TMEM266: variants seen among roughly 807,000 people sequenced by gnomAD.
TMEM266 encodes the protein Hv1 related protein 1.
In TMEM266, 33 loss-of-function variants were observed where a neutral mutation model predicts 50.5. The observed-to-expected ratio is 0.65, with a 90% CI of 0.50 to 0.87. TMEM266 has a LOEUF of 0.87. TMEM266 is among the 40% of genes least tolerant of loss of function. The probability of loss-of-function intolerance (pLI) is 0.00; values close to 1 mark genes in which losing one functional copy is unlikely to be tolerated. For synonymous variants in TMEM266, 310 were observed against 292.3 expected (o/e 1.06, Z -0.62); for missense variants, 655 against 695.1 (o/e 0.94, Z 0.65).
chr15:76,157,794 C>T (rs1034861821), intron 4 of TMEM266, among the ~76,000 whole-genome samples: 1 of 152,092 alleles, frequency 6.6e-6, no homozygotes, highest in African/African-American at 2.4e-5. Context: ...TGAGACCAGC[C>T]TGGGGAACAT....
At chr15:76,194,380 G>A (rs1472412692) in intron 9 of TMEM266, among the ~76,000 whole-genome samples, 1 of 152,142 alleles carries the variant, frequency 6.6e-6, no homozygotes, top group African/African-American at 2.4e-5. Context: ...GCCCTCTGCA[G>A]TCTCCCCTCC....
At chr15:76,070,476 G>T (rs2036522859) in intron 1 of TMEM266, among the ~76,000 whole-genome samples, 1 of 152,206 alleles carries the variant, frequency 6.6e-6, no homozygotes, top group Admixed American at 6.5e-5. Context: ...TGAAATGGGG[G>T]CTGTGAGCCA....
At chr15:76,113,725 C>T (rs923371489) in intron 1 of TMEM266, 2 of 151,970 alleles carry the variant, frequency 1.3e-5, no homozygotes, top group Admixed American at 6.6e-5. Flanking sequence ...CTAGCTAACA[C>T]GATGAAGCCC....
intron 5 of TMEM266, among the ~76,000 whole-genome samples, chr15:76,164,998 A>G (rs1344584073): frequency 3.3e-5 from 5 of 152,198 alleles, no homozygotes; most frequent in South Asian, 2.1e-4. Flanking sequence ...TACATCTCCT[A>G]AGGTTTCCAA....
At chr15:76,067,407 C>T (rs2036444449) in intron 1 of TMEM266, among the ~76,000 whole-genome samples, 1 of 151,634 alleles carries the variant, frequency 6.6e-6, no homozygotes, top group African/African-American at 2.4e-5. Flanking sequence ...CTTTGGGAGG[C>T]CAAGGAGGGC....
At chr15:76,145,690 T>C (rs2037745499) in intron 3 of TMEM266, among the ~76,000 whole-genome samples, 2 of 152,282 alleles carry the variant, frequency 1.3e-5, no homozygotes, top group Admixed American at 6.5e-5. Context: ...TCTCCTTTCA[T>C]AGCCTTCAGT....
rs189049338 is a variant in TMEM266 at position 76,149,839 on chromosome 15, T to A, written c.228-6765T>A. Among the ~76,000 whole-genome samples the A allele has an allele frequency of 2.8e-3, 421 of 152,364 alleles. 4 individuals are homozygous for A. The highest frequency in any genetic ancestry group is 2.4e-3 in the Non-Finnish European group (163 of 68,030). On this transcript the variant is annotated intron_variant, in intron 3 of 10. Transcript: ENST00000388942. ...TGGTGCACAATATGTATCTTAAGTG[T>A]TTGTTTAATCAATAAAACTAAAGTC... is the stretch of plus-strand genomic sequence containing the variant.
intron 5 of TMEM266, among the ~76,000 whole-genome samples, chr15:76,163,417 G>A (rs2038046859): frequency 6.6e-6 from 1 of 152,140 alleles, no homozygotes. Context: ...GCTGTGCAGG[G>A]GTCCCTGCAC....
Position 76,168,145 on chromosome 15 carries a change from AC to A in TMEM266, c.457-1667del, listed in dbSNP as rs1312719768. Among the ~76,000 whole-genome samples, 1 of 152,096 alleles carries A rather than the reference AC, an allele frequency of 6.6e-6. No homozygotes were observed. Among genetic ancestry groups the A allele is most frequent in the Non-Finnish European group, 1.5e-5 (1 of 68,012 alleles). Reference sequence around the variant, plus strand: ...GCTCTGATCTCAAGACATTGTGGCCACCCCACCCAGATCTCTCCCCACCCCT... The same window carrying A: ...GCTCTGATCTCAAGACATTGTGGCCACCCACCCAGATCTCTCCCCACCCCT... On this transcript the variant is annotated intron_variant, in intron 5 of 10. Transcript: ENST00000388942. This position sits in a 1 kb window ranked among gnomAD's most constrained non-coding sequence, Gnocchi z 4.4.
At chr15:76,063,820 A>T (rs2036356796) in intron 1 of TMEM266, among the ~76,000 whole-genome samples, 1 of 152,188 alleles carries the variant, frequency 6.6e-6, no homozygotes, top group Non-Finnish European at 1.5e-5. Context: ...GTTAGTCCTT[A>T]CTGTTCTCTG....
chr15:76,200,412 G>C (rs934907500), intron 9 of TMEM266, among the ~76,000 whole-genome samples: 2 of 152,220 alleles, frequency 1.3e-5, no homozygotes, highest in African/African-American at 2.4e-5. Flanking sequence ...CTGAGGCCCA[G>C]AGAGGGGATG....
At chr15:76,097,207 GTTGATGTTCTTTGCAATTTGGTATGTTT>G (rs1260324623) in intron 1 of TMEM266, among the ~76,000 whole-genome samples, 1 of 151,940 alleles carries the variant, frequency 6.6e-6, no homozygotes. Flanking sequence ...TCTTCATAGT[GTTGATGTTCTTTGCAATTTGGTATGTTT>G]TTGCTGTGGC....
rs760155139 is a variant in TMEM266 at position 76,175,594 on chromosome 15, G to A, written c.688G>A (p.Val230Ile). The change falls in exon 8 of 11, where the codon GTT becomes ATT. Residue 230 changes from valine (V) to isoleucine (I), a missense_variant. Around this residue, in one of 3 missense-constraint regions of TMEM266, gnomAD observed 101 missense variants for 182.6 expected, o/e 0.55. Coordinates refer to ENST00000388942, the MANE Select transcript of TMEM266 (RefSeq NM_152335.3). Reference sequence around the variant, plus strand: ...GCCAGTGAAGCTGGAGATGGAGATGGTTATCCAGCAGTACGAGAAGGCCAA... The same window carrying A: ...GCCAGTGAAGCTGGAGATGGAGATGATTATCCAGCAGTACGAGAAGGCCAA... The A allele has an allele frequency of 5.0e-6, 8 of 1,614,138 alleles. No homozygotes were observed. In the South Asian group the frequency reaches 8.8e-5, roughly 18 times the overall value.
chr15:76,161,565 A>G lies in TMEM266; in HGVS notation c.456+1397A>G, dbSNP rs559807221. On this transcript the variant is annotated intron_variant, in intron 5 of 10. Transcript: ENST00000388942. This position sits in a 1 kb window ranked among gnomAD's most constrained non-coding sequence, Gnocchi z 4.1. ...TGTGGGGTGTGGTGGGCCGGGCAGC[A>G]GGCATTCCAAGCATGGAACATTCCC... Among the ~76,000 whole-genome samples the G allele has an allele frequency of 2.0e-5, 3 of 152,276 alleles. No homozygotes were observed. Among genetic ancestry groups the G allele is most frequent in the African/African-American group, 4.8e-5 (2 of 41,540 alleles).
chr15:76,176,281 G>A (rs1454594016), intron 8 of TMEM266: 1 of 153,640 alleles, frequency 6.5e-6, no homozygotes. Context: ...CTCCGGCCAA[G>A]TTGGGCCACC....
chr15:76,168,152 C>T lies in TMEM266; in HGVS notation c.457-1664C>T, dbSNP rs1658978999. Among the ~76,000 whole-genome samples, 1 of 152,206 alleles carries T rather than the reference C, an allele frequency of 6.6e-6. No homozygotes were observed. The highest frequency in any genetic ancestry group is 6.5e-5 in the Admixed American group (1 of 15,286). On this transcript the variant is annotated intron_variant, in intron 5 of 10. Transcript: ENST00000388942. The surrounding 1 kb of genome is among the most constrained non-coding windows in gnomAD (Gnocchi z 4.4). The stretch of plus-strand genomic sequence containing the variant: ...TCTCAAGACATTGTGGCCACCCCAC[C>T]CAGATCTCTCCCCACCCCTGCAAGC...
intron 1 of TMEM266, among the ~76,000 whole-genome samples, chr15:76,079,472 CT>C (rs946589324): frequency 2.7e-4 from 39 of 145,888 alleles, no homozygotes; most frequent in African/African-American, 8.2e-4. Flanking sequence ...CTAGTTACCT[CT>C]GCAAAGATAC....
In TMEM266 at chr15:76,137,861, C is replaced by T. The variant is rs2037615603; in HGVS notation, c.193C>T (p.Leu65=). 1 of 1,597,638 alleles carries T rather than the reference C, an allele frequency of 6.3e-7. No individual in the cohort carries two copies. The highest frequency in any genetic ancestry group is 1.3e-5 in the African/African-American group (1 of 74,318). ...TCTCTCCACGGCGGGCTCGCAGCTC[C>T]TGTCAAATCTGGACGAAGATTACCA... The change falls in exon 3 of 11, where the codon CTG becomes TTG. Residue 65 remains leucine, a synonymous_variant. Coordinates refer to ENST00000388942, the MANE Select transcript of TMEM266 (RefSeq NM_152335.3).
At position 76,118,138 on chromosome 15, in the gene TMEM266, C is replaced by T. The variant is rs149529451; in HGVS notation, c.-96-16030C>T. Reference sequence around the variant, plus strand: ...AAGATCCACAGCCTTTTTGATTTTGCGGCCCACACTGACCTCCTCCTGGCT... The same window carrying T: ...AAGATCCACAGCCTTTTTGATTTTGTGGCCCACACTGACCTCCTCCTGGCT... On this transcript the variant is annotated intron_variant, in intron 1 of 10. Transcript: ENST00000388942. 8.1e-3 allele frequency among the ~76,000 whole-genome samples: 1,227 copies of T among 152,328 alleles called. 17 individuals carry two copies. Among genetic ancestry groups the T allele is most frequent in the African/African-American group, 0.028 (1,146 of 41,552 alleles).
Sources: allele counts gnomAD v4.1 joint callset (sites outside exome capture counted in the v4.1 genomes callset), GRCh38; gene constraint gnomAD v4.1.1; regional missense constraint gnomAD v4.1.1; non-coding constraint Gnocchi (gnomAD v3.1); transcripts MANE v1.5; gene names NCBI Gene and HGNC (gene_info 2026-07-23, HGNC 2026-07-21).